The following AHR variants were observed in gnomAD, a reference collection of about 807,000 sequenced individuals.
AHR encodes aryl hydrocarbon receptor, also known as AH-receptor.
In AHR, 40 loss-of-function variants were observed where a neutral mutation model predicts 86.8. That is an observed-to-expected ratio of 0.46 (90% CI 0.36 to 0.60). AHR has a LOEUF of 0.60. Among genes scored for constraint, AHR ranks in the 20% least tolerant of loss-of-function variants. The probability of loss-of-function intolerance (pLI) is 0.00; values close to 1 mark genes in which losing one functional copy is unlikely to be tolerated. For missense variants in AHR, 1,001 were observed against 1,011.6 expected (o/e 0.99, Z 0.14); for synonymous variants, 398 against 354.9 (o/e 1.12, Z -1.37).
chr7:17,339,236 C>T lies in AHR; in HGVS notation c.1411C>T (p.Pro471Ser), dbSNP rs149412835. The T allele has an allele frequency of 5.1e-5, 83 of 1,614,168 alleles. No individual in the cohort carries two copies. The African/African-American group carries it at 1.0e-3, about 20-fold the overall frequency. The change falls in exon 10 of 11, where the codon CCT becomes TCT. Residue 471 changes from proline (P) to serine (S), a missense_variant. Around this residue, in one of 2 missense-constraint regions of AHR, gnomAD observed 607 missense variants for 543.1 expected, o/e 1.12. Coordinates refer to ENST00000242057, the MANE Select transcript of AHR (RefSeq NM_001621.5). ...ACAAGATGAGTCTATTTATCTCTAT[C>T]CTGCTTCAAGTACTTCAAGTACTGC... Reference protein sequence around the residue: ...MQQDESIYLYPASSTSSTAPF... With the variant: ...MQQDESIYLYSASSTSSTAPF...
Position 17,298,669 on chromosome 7 carries a change from G to A in AHR, c.-596G>A, listed in dbSNP as rs1261984816. 7.6e-6 allele frequency: 3 copies of A among 394,828 alleles called. No homozygotes were observed. Among genetic ancestry groups the A allele is most frequent in the Non-Finnish European group, 1.3e-5 (3 of 224,122 alleles). The allele number at this position is 394,828 out of a possible 1,614,324, so 24.5% of individuals were successfully genotyped here. A position where few individuals can be genotyped will look rare whatever the true frequency, so the allele number is the denominator to read the frequency against. ...CGGGAGGCAGTGGCTGGGGAGTCCC[G>A]TCGACGCTCTGTTCCGAGAGCGTGC... On this transcript the variant is annotated 5_prime_UTR_variant, in exon 1 of 11. Transcript: ENST00000242057.
chr7:17,337,288 C>A (rs978337486), intron 9 of AHR, among the ~76,000 whole-genome samples: 2 of 151,708 alleles, frequency 1.3e-5, no homozygotes, highest in Non-Finnish European at 2.9e-5. Context: ...GTAAAATATC[C>A]CATGTAATCC....
chr7:17,322,893 G>A (rs572285630), intron 3 of AHR, among the ~76,000 whole-genome samples: 1 of 152,024 alleles, frequency 6.6e-6, no homozygotes, highest in Admixed American at 6.6e-5. Flanking sequence ...ATACAAAAAT[G>A]CTTACCATGT....
At chr7:17,303,154 A>G (rs2115349601) in intron 1 of AHR, among the ~76,000 whole-genome samples, 1 of 152,208 alleles carries the variant, frequency 6.6e-6, no homozygotes, top group East Asian at 1.9e-4. Flanking sequence ...ACTGTTTATT[A>G]GCACTTATTC....
chr7:17,300,729 A>T (rs1479941443), intron 1 of AHR, among the ~76,000 whole-genome samples: 1 of 152,156 alleles, frequency 6.6e-6, no homozygotes, highest in Non-Finnish European at 1.5e-5. Context: ...TGTTTGTCTT[A>T]TTTGACATTG....
intron 4 of AHR, 68 bp from the exon 5 acceptor site, chr7:17,329,884 T>A: frequency 7.0e-7 from 1 of 1,438,610 alleles, no homozygotes; most frequent in Non-Finnish European, 9.4e-7. Flanking sequence ...TAAATAGGCT[T>A]TAAAATTAAT....
intron 4 of AHR, 109 bp downstream of exon 4, chr7:17,327,957 G>T: frequency 6.1e-6 from 2 of 328,420 alleles, no homozygotes; most frequent in Non-Finnish European, 1.0e-5. Flanking sequence ...ATATGCTGTA[G>T]AATACAGTAT....
intron 3 of AHR, among the ~76,000 whole-genome samples, chr7:17,325,787 C>T (rs1351906287): frequency 6.6e-6 from 1 of 151,974 alleles, no homozygotes; most frequent in Non-Finnish European, 1.5e-5. Flanking sequence ...ACACTGGGGC[C>T]GTTTAGAGGC....
rs186924525 is a variant in AHR, at chr7:17,331,633, A to G, written c.705+747A>G. 9.9e-5 allele frequency among the ~76,000 whole-genome samples: 15 copies of G among 152,066 alleles called. No individual in the cohort carries two copies. The East Asian group carries it at 2.5e-3, about 25-fold the overall frequency. On this transcript the variant is annotated intron_variant, in intron 6 of 10. Coordinates refer to ENST00000242057, the MANE Select transcript of AHR (RefSeq NM_001621.5). ...TCCATATGTCTCAAATAACTGCCAC[A>G]TAGAAAAACGATTGTATATTCATGA...
chr7:17,340,029 T>G lies in AHR; in HGVS notation c.2204T>G (p.Leu735Ter). ...TCCCCATACCCCACTACTTCTAGTT[T>G]AGAAGATTTTGTCACTTGTTTACAA... is the stretch of plus-strand genomic sequence containing the variant. ...EPSPYPTTSS[L>*]EDFVTCLQLP... The change falls in exon 10 of 11, where the codon TTA becomes TGA. Residue 735 changes from leucine to a stop codon, truncating the protein, a stop_gained. Coordinates refer to ENST00000242057, the MANE Select transcript of AHR (RefSeq NM_001621.5). LOFTEE classifies it high-confidence loss of function. 1 of 1,614,228 alleles carries G rather than the reference T, an allele frequency of 6.2e-7. No individual in the cohort carries two copies. The highest frequency in any genetic ancestry group is 8.5e-7 in the Non-Finnish European group (1 of 1,180,038).
chr7:17,329,231 TTAGGA>T (rs1006808177), intron 4 of AHR, among the ~76,000 whole-genome samples: 7 of 151,932 alleles, frequency 4.6e-5, no homozygotes, highest in Non-Finnish European at 8.8e-5. Context: ...TTTTAGTTGT[TTAGGA>T]TAGAATAAAA....
In AHR at chr7:17,343,319, A is replaced by G. The variant is rs1190568552; in HGVS notation, c.*255A>G. The stretch of plus-strand genomic sequence containing the variant: ...AGTGGTGAGGTACCGTCTACATTTC[A>G]CATTATTCTGGGCACCACAAAATAT... On this transcript the variant is annotated 3_prime_UTR_variant, in exon 11 of 11. Coordinates refer to ENST00000242057, the MANE Select transcript of AHR (RefSeq NM_001621.5). 1 of 459,212 alleles carries G rather than the reference A, an allele frequency of 2.2e-6. No individual in the cohort carries two copies. Among genetic ancestry groups the G allele is most frequent in the East Asian group, 4.2e-5 (1 of 23,786 alleles). 28.4% of individuals were successfully genotyped at this position (459,212 alleles called of 1,614,324 possible).
In AHR at chr7:17,342,936, T is replaced by C. The variant is rs750814384; in HGVS notation, c.2419T>C (p.Leu807=). The change falls in exon 11 of 11, where the codon TTA becomes CTA. Residue 807 remains leucine, a synonymous_variant. Transcript: ENST00000242057. ...TTGTTTTCAGTTTCAGAATGGAGTT[T>C]TAAATGAAACATATCCAGCTGAATT... ...AFLNKFQNGV[L]NETYPAELNN... is the part of the protein sequence containing the mutation. 2.5e-5 allele frequency: 41 copies of C among 1,612,542 alleles called. 1 individual carries two copies. In the South Asian group the frequency reaches 4.4e-4, roughly 17 times the overall value.
rs887522229 is a variant in AHR at position 17,298,675 on chromosome 7, G to T, written c.-590G>T. 2.5e-6 allele frequency: 1 copy of T among 394,996 alleles called. No individual in the cohort carries two copies. Among genetic ancestry groups the T allele is most frequent in the Non-Finnish European group, 4.5e-6 (1 of 224,148 alleles). 24.5% of individuals were successfully genotyped at this position (394,996 alleles called of 1,614,324 possible). The stretch of plus-strand genomic sequence containing the variant: ...GCAGTGGCTGGGGAGTCCCGTCGAC[G>T]CTCTGTTCCGAGAGCGTGCCCCGGA... On this transcript the variant is annotated 5_prime_UTR_variant, in exon 1 of 11. Coordinates refer to ENST00000242057, the MANE Select transcript of AHR (RefSeq NM_001621.5).
intron 1 of AHR, among the ~76,000 whole-genome samples, chr7:17,303,444 A>G (rs1781973979): frequency 6.6e-6 from 1 of 152,064 alleles, no homozygotes; most frequent in African/African-American, 2.4e-5. Context: ...AGATAGTGTT[A>G]TGGCTGAAAT....
intron 2 of AHR, among the ~76,000 whole-genome samples, chr7:17,311,420 C>T (rs1370463902): frequency 6.6e-6 from 1 of 152,080 alleles, no homozygotes; most frequent in Non-Finnish European, 1.5e-5. Flanking sequence ...CTAGGAAGTG[C>T]CTAGACAACA....
At chr7:17,327,613 A>G (rs1163821280) in intron 3 of AHR, 146 bp from the exon 4 acceptor site, 3 of 369,744 alleles carry the variant, frequency 8.1e-6, no homozygotes, top group Non-Finnish European at 9.8e-6. Flanking sequence ...TTCTTAGTCC[A>G]GGAGTGTATG....
chr7:17,304,011 A>G lies in AHR; in HGVS notation c.65+4682A>G, dbSNP rs539194494. ...ATAGGAGAAGCACTTGTATTTGCAG[A>G]TTTTCTACTTAGGGTGTCCTTTACG... is the stretch of plus-strand genomic sequence containing the variant. On this transcript the variant is annotated intron_variant, in intron 1 of 10. Coordinates refer to ENST00000242057, the MANE Select transcript of AHR (RefSeq NM_001621.5). Among the ~76,000 whole-genome samples the G allele has an allele frequency of 3.4e-4, 52 of 152,084 alleles. 1 individual carries two copies. In the South Asian group the frequency reaches 0.01, roughly 30 times the overall value.
At chr7:17,330,661 C>T in intron 5 of AHR, 95 bp from the exon 6 acceptor site, 3 of 1,154,254 alleles carry the variant, frequency 2.6e-6, no homozygotes, top group Non-Finnish European at 3.5e-6. Flanking sequence ...AGAACACAGA[C>T]TCCAGTTTAG....
Sources: gnomAD v4.1 joint callset for allele counts (sites outside exome capture counted in the v4.1 genomes callset) on GRCh38, gnomAD v4.1.1 for gene constraint, gnomAD v4.1.1 regional missense constraint, MANE v1.5 for transcripts, NCBI Gene and HGNC (gene_info 2026-07-23, HGNC 2026-07-21) for gene names.